Variants in SLC24A3 observed in about 807,000 individuals in gnomAD.
The protein encoded by SLC24A3 is sodium/potassium/calcium exchanger 3.
A neutral mutation model predicts 75.8 loss-of-function variants in SLC24A3; 28 were observed. The observed-to-expected ratio is 0.37, with a 90% CI of 0.27 to 0.51. The LOEUF (loss-of-function observed/expected upper bound fraction) is 0.51. Ranked by LOEUF, SLC24A3 falls within the 20% of genes least tolerant of loss-of-function variation. The pLI, the probability that SLC24A3 is intolerant of heterozygous loss-of-function variation, is 0.94. For missense variants in SLC24A3, 663 were observed against 847.8 expected (o/e 0.78, Z 2.71); for synonymous variants, 372 against 334.1 (o/e 1.11, Z -1.24).
chr20:19,384,847 C>T (rs1348907255), intron 2 of SLC24A3, among the ~76,000 whole-genome samples: 1 of 152,114 alleles, frequency 6.6e-6, no homozygotes, highest in African/African-American at 2.4e-5. Flanking sequence ...CACTTGTTTT[C>T]TTTTGTCTTT....
At chr20:19,350,231 G>A (rs1052649306) in intron 2 of SLC24A3, among the ~76,000 whole-genome samples, 1 of 152,072 alleles carries the variant, frequency 6.6e-6, no homozygotes, top group African/African-American at 2.4e-5. Flanking sequence ...TTCTGTAGTT[G>A]GTAAAAAGAG....
At chr20:19,410,506 A>G (rs941183382) in intron 2 of SLC24A3, among the ~76,000 whole-genome samples, 4 of 152,186 alleles carry the variant, frequency 2.6e-5, no homozygotes, top group African/African-American at 9.7e-5. Context: ...ACACTCAGGG[A>G]CAATAAGTAT....
chr20:19,642,817 T>C (rs182798891), intron 6 of SLC24A3, among the ~76,000 whole-genome samples: 112 of 152,332 alleles, frequency 7.4e-4, no homozygotes, highest in African/African-American at 2.5e-3. Flanking sequence ...TTGGCTGCCT[T>C]AGTCACCCAA....
intron 2 of SLC24A3, among the ~76,000 whole-genome samples, chr20:19,373,997 G>A (rs950835238): frequency 2.2e-4 from 34 of 152,268 alleles, no homozygotes; most frequent in African/African-American, 7.2e-4. Context: ...CCAAGTAGTT[G>A]TCACTTGGCC....
At chr20:19,460,308 T>C (rs1987647580) in intron 2 of SLC24A3, among the ~76,000 whole-genome samples, 1 of 152,114 alleles carries the variant, frequency 6.6e-6, no homozygotes, top group Non-Finnish European at 1.5e-5. Context: ...TGAGTTACCC[T>C]ATAGGCCAGT....
intron 15 of SLC24A3, among the ~76,000 whole-genome samples, chr20:19,715,695 T>G (rs2033038249): frequency 6.6e-6 from 1 of 152,222 alleles, no homozygotes; most frequent in Non-Finnish European, 1.5e-5. Flanking sequence ...CCTTCCCATA[T>G]GCACACTCCA....
chr20:19,698,755 G>A (rs902214300), intron 15 of SLC24A3, 75 bp downstream of exon 15: 5 of 1,165,004 alleles, frequency 4.3e-6, no homozygotes, highest in African/African-American at 1.5e-5. Context: ...TGGCCACAGG[G>A]TCTTTGTCTC....
intron 8 of SLC24A3, among the ~76,000 whole-genome samples, chr20:19,667,800 G>A (rs1391009000): frequency 6.6e-6 from 1 of 152,164 alleles, no homozygotes; most frequent in African/African-American, 2.4e-5. Flanking sequence ...AGCAAGAAAA[G>A]GAGTGTCTAT....
intron 1 of SLC24A3, among the ~76,000 whole-genome samples, chr20:19,264,736 A>AAC (rs1983107831): frequency 6.6e-6 from 1 of 151,012 alleles, no homozygotes; most frequent in Non-Finnish European, 1.5e-5. Context: ...CTCAAAAAAA[A>AAC]AAAAAAAAAC....
At chr20:19,389,288 A>G (rs540729641) in intron 2 of SLC24A3, among the ~76,000 whole-genome samples, 130 of 152,276 alleles carry the variant, frequency 8.5e-4, no homozygotes, top group African/African-American at 2.8e-3. Context: ...AATACTCTCA[A>G]TTTGACTATA....
At chr20:19,286,482 G>A (rs1313178798) in intron 2 of SLC24A3, among the ~76,000 whole-genome samples, 2 of 152,068 alleles carry the variant, frequency 1.3e-5, no homozygotes, top group Non-Finnish European at 2.9e-5. Context: ...AAATCAGAGG[G>A]CTGGACATGA....
intron 3 of SLC24A3, among the ~76,000 whole-genome samples, chr20:19,520,521 G>A (rs569823930): frequency 1.8e-4 from 27 of 152,300 alleles, no homozygotes; most frequent in African/African-American, 6.3e-4. Context: ...AGGGGCTCAT[G>A]TTATTAAAGG....
intron 1 of SLC24A3, among the ~76,000 whole-genome samples, chr20:19,265,506 CTT>C (rs1004080960): frequency 3.9e-5 from 6 of 152,120 alleles, no homozygotes; most frequent in African/African-American, 1.4e-4. Context: ...TTTCAACAGA[CTT>C]TACATGGGAT....
intron 2 of SLC24A3, among the ~76,000 whole-genome samples, chr20:19,390,210 A>C (rs980237095): frequency 6.6e-6 from 1 of 152,044 alleles, no homozygotes; most frequent in Non-Finnish European, 1.5e-5. Flanking sequence ...GCAGTTTATA[A>C]ATTTCTATAT....
chr20:19,271,241 C>G (rs1009326340), intron 1 of SLC24A3, among the ~76,000 whole-genome samples: 1 of 151,938 alleles, frequency 6.6e-6, no homozygotes, highest in African/African-American at 2.4e-5. Context: ...ATGGGAATGT[C>G]AACCTCACTA....
intron 2 of SLC24A3, among the ~76,000 whole-genome samples, chr20:19,281,556 G>A (rs1432650865): frequency 1.3e-5 from 2 of 152,158 alleles, no homozygotes; most frequent in East Asian, 1.9e-4. Context: ...TTTATTGGTT[G>A]TGAGATTTGA....
chr20:19,273,480 G>T (rs868385417), intron 1 of SLC24A3, among the ~76,000 whole-genome samples: 4 of 152,214 alleles, frequency 2.6e-5, no homozygotes, highest in Admixed American at 6.5e-5. Flanking sequence ...GCCACTGGGG[G>T]TGGAAACCAT....
At chr20:19,337,388 G>A (rs1568593244) in intron 2 of SLC24A3, among the ~76,000 whole-genome samples, 1 of 152,168 alleles carries the variant, frequency 6.6e-6, no homozygotes. Flanking sequence ...AGGTTGCGGT[G>A]AGCTGAAATC....
chr20:19,550,537 C>T (rs2030675675), intron 3 of SLC24A3, among the ~76,000 whole-genome samples: 1 of 152,100 alleles, frequency 6.6e-6, no homozygotes, highest in African/African-American at 2.4e-5. Flanking sequence ...GAGAAAGATA[C>T]ATGTGTGAGT....
Sources: allele counts gnomAD v4.1 joint callset (sites outside exome capture counted in the v4.1 genomes callset), GRCh38; gene constraint gnomAD v4.1.1; transcripts MANE v1.5; gene names NCBI Gene and HGNC (gene_info 2026-07-23, HGNC 2026-07-21).